The following KCNIP4 variants were observed in gnomAD, a reference collection of about 807,000 sequenced individuals.
KCNIP4 encodes the protein potassium voltage-gated channel interacting protein 4.
KCNIP4 carries 12 observed loss-of-function variants against 34.0 expected under a neutral mutation model. The ratio of observed to expected loss-of-function variants is 0.35; its 90% CI spans 0.23 to 0.57. The LOEUF (loss-of-function observed/expected upper bound fraction) is 0.57, where lower values mean the gene tolerates loss of function less well. Among genes scored for constraint, KCNIP4 ranks in the 20% least tolerant of loss-of-function variants. The pLI is 0.83. For missense variants in KCNIP4, 238 were observed against 311.7 expected, an observed-to-expected ratio of 0.76 and a Z score of 1.78; for synonymous variants, 124 against 102.2, an observed-to-expected ratio of 1.21 and a Z score of -1.29.
At chr4:21,882,887 G>A (rs1726539319) in intron 1 of KCNIP4, among the ~76,000 whole-genome samples, 1 of 152,066 alleles carries the variant, frequency 6.6e-6, no homozygotes, top group African/African-American at 2.4e-5. Flanking sequence ...AGGTACTATA[G>A]TTTTGCTAAT....
chr4:21,611,196 A>G (rs2109146232), intron 1 of KCNIP4, among the ~76,000 whole-genome samples: 1 of 152,120 alleles, frequency 6.6e-6, no homozygotes, highest in East Asian at 1.9e-4. Context: ...TATGTGTCAC[A>G]TTTTCTTTAT....
intron 1 of KCNIP4, among the ~76,000 whole-genome samples, chr4:21,432,830 G>C (rs1313484813): frequency 6.6e-6 from 1 of 152,032 alleles, no homozygotes; most frequent in Admixed American, 6.6e-5. Context: ...AGGTAACATG[G>C]ACCAGGTCAG....
chr4:21,408,623 AT>A (rs1325656814), intron 1 of KCNIP4, among the ~76,000 whole-genome samples: 1 of 152,212 alleles, frequency 6.6e-6, no homozygotes, highest in Non-Finnish European at 1.5e-5. Flanking sequence ...ATGCGATGCA[AT>A]TTAATTAATC....
intron 2 of KCNIP4, among the ~76,000 whole-genome samples, chr4:20,853,268 G>A (rs1721223170): frequency 6.6e-6 from 1 of 152,184 alleles, no homozygotes; most frequent in East Asian, 1.9e-4. Context: ...CACCAAAACA[G>A]CGTGGTACTG....
At chr4:21,082,450 A>C (rs1746081290) in intron 1 of KCNIP4, among the ~76,000 whole-genome samples, 1 of 151,876 alleles carries the variant, frequency 6.6e-6, no homozygotes, top group South Asian at 2.1e-4. Flanking sequence ...CCTCATTAAC[A>C]GATCATTTAG....
chr4:21,083,399 A>G (rs1203221215), intron 1 of KCNIP4, among the ~76,000 whole-genome samples: 1 of 151,788 alleles, frequency 6.6e-6, no homozygotes, highest in East Asian at 1.9e-4. Flanking sequence ...ATCCATAAAA[A>G]ATGTATTTGC....
At chr4:21,108,029 T>C (rs185116579) in intron 1 of KCNIP4, among the ~76,000 whole-genome samples, 1 of 151,394 alleles carries the variant, frequency 6.6e-6, no homozygotes. Flanking sequence ...TGGCTGCCCT[T>C]AACATTTTTT....
chr4:21,501,647 G>C (rs948077414), intron 1 of KCNIP4, among the ~76,000 whole-genome samples: 2 of 146,108 alleles, frequency 1.4e-5, no homozygotes, highest in Non-Finnish European at 3.0e-5. Flanking sequence ...AGCAATTATG[G>C]GCTGTACTCC....
chr4:21,798,753 A>C (rs183679903), intron 1 of KCNIP4, among the ~76,000 whole-genome samples: 19 of 152,182 alleles, frequency 1.2e-4, no homozygotes, highest in East Asian at 7.7e-4. Context: ...CTCAGAAACT[A>C]TCTGAAAGTT....
rs35194977 is a variant in KCNIP4, at chr4:20,857,044, T to TAA, written c.164-6379_164-6378dup. On this transcript the variant is annotated intron_variant, in intron 2 of 8. Coordinates refer to ENST00000382152, the MANE Select transcript of KCNIP4 (RefSeq NM_025221.6). ...ATAGGATGATCATCACATGCAGTAT[T>TAA]AAAAAAAAAAAAAAAACGCCCTTGA... 1.3e-4 allele frequency among the ~76,000 whole-genome samples: 17 copies of TAA among 135,630 alleles called. 1 individual carries two copies. The South Asian group carries it at 1.5e-3, about 12-fold the overall frequency. 89.0% of individuals were successfully genotyped at this position (135,630 alleles called of 152,430 possible). A position where few individuals can be genotyped will look rare whatever the true frequency, so the allele number is the denominator to read the frequency against.
At chr4:21,282,941 CG>C (rs1364654635) in intron 1 of KCNIP4, among the ~76,000 whole-genome samples, 1 of 152,112 alleles carries the variant, frequency 6.6e-6, no homozygotes, top group African/African-American at 2.4e-5. Flanking sequence ...CCCAAATCTC[CG>C]TCAACTGCTG....
Position 21,720,566 on chromosome 4 carries a change from T to C in KCNIP4, c.61+228005A>G, listed in dbSNP as rs1404306603. On this transcript the variant is annotated intron_variant, in intron 1 of 8. Coordinates refer to ENST00000382152, the MANE Select transcript of KCNIP4 (RefSeq NM_025221.6). ...TTTCATTGTACTTTAATTTCTAGGG[T>C]ACATGTGCACAACGTGCAGGTTTGT... Among the ~76,000 whole-genome samples the C allele has an allele frequency of 5.3e-5, 8 of 150,406 alleles. No homozygotes were observed. In the East Asian group the frequency reaches 1.4e-3, roughly 26 times the overall value.
intron 1 of KCNIP4, among the ~76,000 whole-genome samples, chr4:21,412,019 G>A (rs1383087725): frequency 1.3e-5 from 2 of 152,030 alleles, no homozygotes; most frequent in African/African-American, 4.8e-5. Context: ...CCACGTATGG[G>A]GCACTTGACA....
intron 8 of KCNIP4, among the ~76,000 whole-genome samples, chr4:20,730,337 G>A (rs779176666): frequency 6.6e-6 from 1 of 152,106 alleles, no homozygotes; most frequent in Non-Finnish European, 1.5e-5. Flanking sequence ...TATATTTTGT[G>A]GAGTCTATTG....
chr4:21,390,788 C>T (rs1011507439), intron 1 of KCNIP4, among the ~76,000 whole-genome samples: 4 of 151,884 alleles, frequency 2.6e-5, no homozygotes, highest in African/African-American at 9.7e-5. Context: ...CAATGCGGGC[C>T]CTTTTTTGGT....
intron 1 of KCNIP4, among the ~76,000 whole-genome samples, chr4:21,486,964 A>T (rs1353126084): frequency 6.7e-6 from 1 of 149,136 alleles, no homozygotes. Context: ...CACCTGGCTA[A>T]TTTTTTTTTT....
chr4:21,396,531 G>A (rs906213004), intron 1 of KCNIP4, among the ~76,000 whole-genome samples: 2 of 95,188 alleles, frequency 2.1e-5, no homozygotes, highest in Non-Finnish European at 4.4e-5. Flanking sequence ...ACTCCAGCCT[G>A]GTGACAGAGC....
intron 1 of KCNIP4, among the ~76,000 whole-genome samples, chr4:21,247,853 T>G (rs1293336592): frequency 8.0e-6 from 1 of 124,434 alleles, no homozygotes; most frequent in Non-Finnish European, 1.6e-5. Context: ...GGTGGAGATA[T>G]ATATATATAT....
chr4:21,430,642 C>T (rs1726361959), intron 1 of KCNIP4, among the ~76,000 whole-genome samples: 1 of 152,066 alleles, frequency 6.6e-6, no homozygotes, highest in Admixed American at 6.5e-5. Flanking sequence ...AACTGTTCTT[C>T]CTTTTTAATC....
Sources: allele counts gnomAD v4.1 joint callset (sites outside exome capture counted in the v4.1 genomes callset), GRCh38; gene constraint gnomAD v4.1.1; transcripts MANE v1.5; gene names NCBI Gene and HGNC (gene_info 2026-07-23, HGNC 2026-07-21).